Variants in KHDRBS2 observed in about 807,000 individuals in gnomAD.
KHDRBS2 encodes the protein KH domain-containing, RNA-binding, signal transduction-associated protein 2.
KHDRBS2 carries 26 observed loss-of-function variants against 44.3 expected under a neutral mutation model. The ratio of observed to expected loss-of-function variants is 0.59; its 90% CI spans 0.43 to 0.81. The LOEUF (loss-of-function observed/expected upper bound fraction) is 0.81. KHDRBS2 is among the 40% of genes least tolerant of loss of function. The pLI is 0.00. For missense variants in KHDRBS2, 476 were observed against 433.1 expected (o/e 1.10, Z -0.88); for synonymous variants, 194 against 151.1 (o/e 1.28, Z -2.08).
intron 5 of KHDRBS2, among the ~76,000 whole-genome samples, chr6:61,895,338 A>C (rs1562390798): frequency 6.6e-6 from 1 of 152,136 alleles, no homozygotes; most frequent in Non-Finnish European, 1.5e-5. Flanking sequence ...AGGTGGCTGC[A>C]CTTAAATAAA....
chr6:61,795,686 A>G lies in KHDRBS2; in HGVS notation c.811-62922T>C, dbSNP rs186051242. On this transcript the variant is annotated intron_variant, in intron 6 of 8. Coordinates refer to ENST00000281156, the MANE Select transcript of KHDRBS2 (RefSeq NM_152688.4). ...GAGTATGCCTGCTCCAGATCAATGC[A>G]ACTTATAATTTGTTCTTCCCCTGAA... Among the ~76,000 whole-genome samples the G allele has an allele frequency of 1.2e-3, 177 of 152,226 alleles. 1 individual carries two copies. In the South Asian group the frequency reaches 0.019, roughly 16 times the overall value.
At chr6:61,860,512 G>T (rs954842891) in intron 6 of KHDRBS2, among the ~76,000 whole-genome samples, 2 of 151,890 alleles carry the variant, frequency 1.3e-5, no homozygotes, top group Non-Finnish European at 2.9e-5. Flanking sequence ...AAGGATAATA[G>T]CCTCCAGCTG....
the KHDRBS2 span, among the ~76,000 whole-genome samples, chr6:61,592,830 A>G: frequency 6.6e-6 from 1 of 152,192 alleles, no homozygotes; most frequent in Non-Finnish European, 1.5e-5. Flanking sequence ...ACCAGCAGCC[A>G]AATCTTCTTG....
the KHDRBS2 span, among the ~76,000 whole-genome samples, chr6:61,580,720 A>G: frequency 6.6e-6 from 1 of 151,994 alleles, no homozygotes; most frequent in African/African-American, 2.4e-5. Flanking sequence ...GAGCTGTAAC[A>G]CTCGCTGTGA....
At chr6:61,642,932 T>C in the KHDRBS2 span, among the ~76,000 whole-genome samples, 2 of 152,158 alleles carry the variant, frequency 1.3e-5, no homozygotes, top group Non-Finnish European at 2.9e-5. Flanking sequence ...GATAAAACCA[T>C]TGTGAAAATA....
chr6:61,938,197 A>G (rs913029985), intron 4 of KHDRBS2, among the ~76,000 whole-genome samples: 1 of 152,164 alleles, frequency 6.6e-6, no homozygotes, highest in South Asian at 2.1e-4. Flanking sequence ...GAGAGAAAAC[A>G]CATTTTTCAA....
chr6:62,190,556 G>A (rs1261585517), intron 1 of KHDRBS2, among the ~76,000 whole-genome samples: 3 of 152,028 alleles, frequency 2.0e-5, no homozygotes, highest in Admixed American at 6.6e-5. Flanking sequence ...CACCCATTGC[G>A]ATAATACACA....
chr6:62,013,707 C>T (rs1196921138), intron 3 of KHDRBS2, among the ~76,000 whole-genome samples: 1 of 152,132 alleles, frequency 6.6e-6, no homozygotes. Context: ...TACAGGCATC[C>T]GTCCTTACAG....
chr6:61,980,098 C>T (rs1773529493), intron 3 of KHDRBS2, among the ~76,000 whole-genome samples: 1 of 152,142 alleles, frequency 6.6e-6, no homozygotes, highest in Non-Finnish European at 1.5e-5. Context: ...TGACCCTACT[C>T]TCCTTGGAAG....
At chr6:61,636,008 T>C in the KHDRBS2 span, among the ~76,000 whole-genome samples, 6 of 152,076 alleles carry the variant, frequency 3.9e-5, no homozygotes, top group East Asian at 1.2e-3. Context: ...AATTATAGAG[T>C]TAACTTTTTC....
At chr6:61,788,347 G>A (rs1435193234) in intron 6 of KHDRBS2, among the ~76,000 whole-genome samples, 4 of 151,390 alleles carry the variant, frequency 2.6e-5, no homozygotes, top group Non-Finnish European at 5.9e-5. Context: ...TACACTTAGT[G>A]TCATTTCAAA....
intron 3 of KHDRBS2, among the ~76,000 whole-genome samples, chr6:62,024,392 T>A (rs1462024772): frequency 6.6e-6 from 1 of 151,578 alleles, no homozygotes; most frequent in East Asian, 1.9e-4. Context: ...CATTCTATTG[T>A]CAGGCATGTG....
chr6:61,582,655 AG>A, the KHDRBS2 span, among the ~76,000 whole-genome samples: 178 of 151,548 alleles, frequency 1.2e-3, no homozygotes, highest in Admixed American at 2.9e-3. Context: ...GATCCAACAA[AG>A]ATAAATCTTC....
chr6:61,559,507 A>C, the KHDRBS2 span, among the ~76,000 whole-genome samples: 2 of 151,972 alleles, frequency 1.3e-5, no homozygotes, highest in Admixed American at 6.6e-5. Flanking sequence ...TCTGGTCTTC[A>C]TTTTAAAGAA....
At chr6:62,148,343 T>C (rs1269463652) in intron 2 of KHDRBS2, among the ~76,000 whole-genome samples, 1 of 152,056 alleles carries the variant, frequency 6.6e-6, no homozygotes, top group Non-Finnish European at 1.5e-5. Context: ...GGACACTCTA[T>C]TCAACAGTAA....
At chr6:61,567,245 G>T in the KHDRBS2 span, among the ~76,000 whole-genome samples, 9 of 152,288 alleles carry the variant, frequency 5.9e-5, no homozygotes, top group Middle Eastern at 3.4e-3. Context: ...ATTTACAGCT[G>T]CAAGTTTTCT....
chr6:62,175,901 A>G (rs1026508716), intron 2 of KHDRBS2, among the ~76,000 whole-genome samples: 1 of 151,446 alleles, frequency 6.6e-6, no homozygotes, highest in African/African-American at 2.4e-5. Context: ...CAGAGACTAT[A>G]GAACTACATT....
intron 4 of KHDRBS2, among the ~76,000 whole-genome samples, chr6:61,911,745 T>A (rs1465344589): frequency 1.3e-5 from 2 of 152,140 alleles, no homozygotes; most frequent in African/African-American, 4.8e-5. Context: ...TCCTTCTAGC[T>A]GTATTTTTGA....
At chr6:62,221,010 G>T (rs1218780054) in intron 1 of KHDRBS2, among the ~76,000 whole-genome samples, 3 of 151,732 alleles carry the variant, frequency 2.0e-5, no homozygotes, top group Non-Finnish European at 4.4e-5. Context: ...AAAGATATCT[G>T]CATTTCCATG....
Sources: gnomAD v4.1 joint callset for allele counts (sites outside exome capture counted in the v4.1 genomes callset) on GRCh38, gnomAD v4.1.1 for gene constraint, MANE v1.5 for transcripts, NCBI Gene and HGNC (gene_info 2026-07-23, HGNC 2026-07-21) for gene names.